UTP14A: variants seen among roughly 807,000 people sequenced by gnomAD.
UTP14A encodes the protein U3 small nucleolar RNA-associated protein 14 homolog A.
In UTP14A, 5 loss-of-function variants were observed where a neutral mutation model predicts 57.2. That is an observed-to-expected ratio of 0.09 (90% confidence interval 0.05 to 0.18). UTP14A has a LOEUF of 0.18. Ranked by LOEUF, UTP14A falls within the 10% of genes least tolerant of loss-of-function variation. The pLI, the probability that UTP14A is intolerant of heterozygous loss-of-function variation, is 1.00. For synonymous variants in UTP14A, 169 were observed against 210.9 expected (o/e 0.80, Z 1.72); for missense variants, 430 against 562.1 (o/e 0.76, Z 2.38).
In UTP14A at chrX:129,911,805, C is replaced by A; in HGVS notation, c.421C>A (p.Leu141Ile). 1 of 1,211,612 alleles carries A rather than the reference C, an allele frequency of 8.3e-7. No individual in the cohort carries two copies. The highest frequency in any genetic ancestry group is 1.1e-6 in the Non-Finnish European group (1 of 895,509). ...AGCATTCAATAAAACCGCACAAGTC[C>A]TCTCCAAATGGGACCCTGTCGTCCT... ...EVAFNKTAQV[L>I]SKWDPVVLKN... is the part of the protein sequence containing the mutation. Residue 141 changes from leucine (L) to isoleucine (I), a missense_variant, in exon 6 of 15, where the codon CTC (leucine) becomes ATC (isoleucine). This residue lies in a region of UTP14A where 145 missense variants were observed against 153.5 expected (regional missense o/e 0.94). Transcript: ENST00000394422.
intron 9 of UTP14A, 22 bp downstream of exon 9, chrX:129,920,602 C>G: frequency 8.3e-7 from 1 of 1,204,814 alleles, no homozygotes; most frequent in Non-Finnish European, 1.1e-6. Flanking sequence ...TCTTGCCCCA[C>G]CCCCACCCCT....
chrX:129,912,887 G>T (rs775241338), intron 6 of UTP14A, among the ~76,000 whole-genome samples: 6 of 112,013 alleles, frequency 5.4e-5, no homozygotes, highest in Admixed American at 2.9e-4. Flanking sequence ...CTATTTTAAT[G>T]GTGTTGAAAT....
intron 4 of UTP14A, 31 bp from the exon 5 acceptor site, chrX:129,910,977 G>A: frequency 8.3e-7 from 1 of 1,205,781 alleles, no homozygotes. Context: ...CTCACTTCTT[G>A]GTCTGACCAG....
rs149840104 is a variant in UTP14A at position 129,913,465 on chromosome X, C to G, written c.537+1544C>G. On this transcript the variant is annotated intron_variant, in intron 6 of 14. Coordinates refer to ENST00000394422, the MANE Select transcript of UTP14A (RefSeq NM_006649.4). ...ATGTAGTGAAAAGTTTGATTCCACC[C>G]GTGCCCCATCTGATCATTTTTACCC... 2.0e-3 allele frequency: 665 copies of G among 327,809 alleles called. 6 individuals carry two copies. The highest frequency in any genetic ancestry group is 0.016 in the African/African-American group (583 of 36,947). 27.0% of individuals were successfully genotyped at this position (327,809 alleles called of 1,213,427 possible).
In UTP14A at chrX:129,926,102, A is replaced by G. The variant is rs747560711; in HGVS notation, c.1933A>G (p.Lys645Glu). ...TGTGGGCCTAAAGCCCAGTGCCAAG[A>G]AAAGACGCCGGTAAGAATGCCGAAG... The part of the protein sequence containing the change: ...GGVGLKPSAK[K>E]RRRFLIKAPE... The change falls in exon 13 of 15, where the codon AAA (lysine) becomes GAA (glutamate). Residue 645 changes from lysine to glutamate, a missense_variant. Transcript: ENST00000394422. The G allele has an allele frequency of 1.7e-6, 2 of 1,210,806 alleles. No homozygotes were observed. The highest frequency in any genetic ancestry group is 3.5e-5 in the South Asian group (2 of 56,895).
chrX:129,911,718 T>C (rs1929476737), intron 5 of UTP14A, 48 bp from the exon 6 acceptor site: 3 of 1,191,852 alleles, frequency 2.5e-6, no homozygotes, highest in Non-Finnish European at 3.4e-6. Flanking sequence ...TTGGGTTTGA[T>C]GCTTTAATCT....
chrX:129,925,148 C>G lies in UTP14A; in HGVS notation c.1702C>G (p.Gln568Glu). The G allele has an allele frequency of 1.7e-6, 2 of 1,211,463 alleles. No individual in the cohort carries two copies. Among genetic ancestry groups the G allele is most frequent in the Non-Finnish European group, 2.2e-6 (2 of 895,412 alleles). Residue 568 changes from glutamine (Q) to glutamate (E), a missense_variant, in exon 12 of 15, where the codon CAA becomes GAA. Physicochemically the swap from Gln to Glu is conservative, Grantham distance 29. This residue lies in a region of UTP14A where 120 missense variants were observed against 116.8 expected (regional missense o/e 1.03). Coordinates refer to ENST00000394422, the MANE Select transcript of UTP14A (RefSeq NM_006649.4). The stretch of plus-strand genomic sequence containing the variant: ...CGACCTACAGAACCTCCTAACCACA[C>G]AATCTCCCTCCGTGAAGTCTTTGGC... ...MIDLQNLLTTQSPSVKSLAVP... is the reference protein window; with the variant it reads ...MIDLQNLLTTESPSVKSLAVP...
intron 1 of UTP14A, among the ~76,000 whole-genome samples, chrX:129,907,068 T>C (rs1929281950): frequency 9.1e-6 from 1 of 109,653 alleles, no homozygotes; most frequent in African/African-American, 3.3e-5. Context: ...TGATAGCTCT[T>C]TTACATGCAG....
At chrX:129,923,944 G>A (rs184878510) in intron 11 of UTP14A, among the ~76,000 whole-genome samples, 33 of 110,154 alleles carry the variant, frequency 3.0e-4, no homozygotes, top group Non-Finnish European at 2.5e-4. Context: ...GACCCAGGAC[G>A]TCTGCTTCCA....
At chrX:129,926,699 T>G (rs957015477) in intron 14 of UTP14A, among the ~76,000 whole-genome samples, 6 of 111,995 alleles carry the variant, frequency 5.4e-5, no homozygotes, top group Non-Finnish European at 1.1e-4. Flanking sequence ...AATTTGAGCG[T>G]GATTACGGTG....
At chrX:129,906,794 C>T (rs1200970988) in intron 1 of UTP14A, among the ~76,000 whole-genome samples, 1 of 111,376 alleles carries the variant, frequency 9.0e-6, no homozygotes, top group Non-Finnish European at 1.9e-5. Context: ...ACCTACTTTA[C>T]TAAGCAAGCC....
At position 129,911,845 on chromosome X, in the gene UTP14A, C is replaced by T; in HGVS notation, c.461C>T (p.Ala154Val). Residue 154 changes from alanine (A) to valine (V), a missense_variant, in exon 6 of 15, where the codon GCA (alanine) becomes GTA (valine). By Grantham distance (64) the Ala-to-Val change is moderately conservative. Transcript: ENST00000394422. ...WDPVVLKNRQ[A>V]EQLVFPLEKE... ...CCTGTCGTCCTGAAGAACCGGCAGG[C>T]AGAGCAGCTGGTTTTTCCCCTGGAG... is the stretch of plus-strand genomic sequence containing the variant. 2 of 1,211,304 alleles carry T rather than the reference C, an allele frequency of 1.7e-6. No individual in the cohort carries two copies. The highest frequency in any genetic ancestry group is 2.2e-6 in the Non-Finnish European group (2 of 895,353).
In UTP14A at chrX:129,911,372, C is replaced by A. The variant is rs1929460771; in HGVS notation, c.381+222C>A. 1.8e-5 allele frequency among the ~76,000 whole-genome samples: 2 copies of A among 110,222 alleles called. No homozygotes were observed. Among genetic ancestry groups the A allele is most frequent in the Non-Finnish European group, 3.8e-5 (2 of 52,831 alleles). ...CTGAGGTAGGCGGATCACCTGAGGT[C>A]AGGAGTTCGAGACCAGCCTGTCCAA... On this transcript the variant is annotated intron_variant, in intron 5 of 14. Coordinates refer to ENST00000394422, the MANE Select transcript of UTP14A (RefSeq NM_006649.4).
At chrX:129,912,112 C>CTTTTTTTTTTT (rs369904550) in intron 6 of UTP14A, among the ~76,000 whole-genome samples, 191 bp downstream of exon 6, 1 of 99,975 alleles carries the variant, frequency 1.0e-5, no homozygotes. Context: ...TCTGTGATCA[C>CTTTTTTTTTTT]TTTTTTTTTT....
chrX:129,911,968 A>G, intron 6 of UTP14A, 47 bp downstream of exon 6: 2 of 1,186,992 alleles, frequency 1.7e-6, no homozygotes, highest in Non-Finnish European at 1.1e-6. Context: ...TATAAGTTGG[A>G]GATTTCAGAG....
At chrX:129,914,686 G>A (rs562821010) in intron 6 of UTP14A, among the ~76,000 whole-genome samples, 1 of 112,469 alleles carries the variant, frequency 8.9e-6, no homozygotes, top group East Asian at 2.8e-4. Flanking sequence ...GTGGGATAAT[G>A]CATGAGAAGG....
At chrX:129,912,340 C>T (rs756949298) in intron 6 of UTP14A, among the ~76,000 whole-genome samples, 2 of 108,379 alleles carry the variant, frequency 1.8e-5, no homozygotes, top group South Asian at 8.0e-4. Context: ...AGGCTGATCT[C>T]AAACTCCTGA....
intron 6 of UTP14A, among the ~76,000 whole-genome samples, chrX:129,915,524 C>CAA (rs778079199): frequency 0.026 from 1,035 of 39,725 alleles, 66 homozygotes; most frequent in African/African-American, 0.084. Flanking sequence ...GACTCTGTCT[C>CAA]AAAAAAAAAA....
In UTP14A at chrX:129,907,419, C is replaced by G; in HGVS notation, c.79C>G (p.Leu27Val). 2 of 1,209,413 alleles carry G rather than the reference C, an allele frequency of 1.7e-6. No individual in the cohort carries two copies. The highest frequency in any genetic ancestry group is 2.2e-6 in the Non-Finnish European group (2 of 894,793). The change falls in exon 2 of 15, where the codon CTC becomes GTC. Residue 27 changes from leucine to valine, a missense_variant. By Grantham distance (32) the Leu-to-Val change is conservative. This residue lies in a region of UTP14A where 145 missense variants were observed against 153.5 expected (regional missense o/e 0.94). Coordinates refer to ENST00000394422, the MANE Select transcript of UTP14A (RefSeq NM_006649.4). Reference sequence around the variant, plus strand: ...ACTAGCGGATTTGCCAAAAGACTACCTCTTGAGTGAGAGTGAAGATGAGGT... The same window carrying G: ...ACTAGCGGATTTGCCAAAAGACTACGTCTTGAGTGAGAGTGAAGATGAGGT... Reference protein sequence around the residue: ...EELADLPKDYLLSESEDEGDN... With the variant: ...EELADLPKDYVLSESEDEGDN...
Sources: gnomAD v4.1 joint callset for allele counts (sites outside exome capture counted in the v4.1 genomes callset) on GRCh38, gnomAD v4.1.1 for gene constraint, gnomAD v4.1.1 regional missense constraint, MANE v1.5 for transcripts, NCBI Gene and HGNC (gene_info 2026-07-23, HGNC 2026-07-21) for gene names.